The following SAXO1 variants were observed in gnomAD, a reference collection of about 807,000 sequenced individuals.
The protein encoded by SAXO1 is 4930500O09Rik.
In SAXO1, 21 loss-of-function variants were observed where a neutral mutation model predicts 17.5. The observed-to-expected ratio is 1.20, with a 90% confidence interval of 0.85 to 1.72. The LOEUF (loss-of-function observed/expected upper bound fraction) is 1.72, where lower values mean the gene tolerates loss of function less well. SAXO1 is among the 40% of genes most tolerant of loss of function. The probability of loss-of-function intolerance (pLI) is 0.00; values close to 1 mark genes in which losing one functional copy is unlikely to be tolerated. For synonymous variants in SAXO1, 274 were observed against 216.5 expected (o/e 1.27, Z -2.33); for missense variants, 843 against 596.0 (o/e 1.41, Z -4.32).
At chr9:19,048,582 T>C (rs1475162407) in intron 1 of SAXO1, among the ~76,000 whole-genome samples, 1 of 152,138 alleles carries the variant, frequency 6.6e-6, no homozygotes, top group African/African-American at 2.4e-5. Flanking sequence ...AAGAGCAGAA[T>C]CATATTATGC....
intron 1 of SAXO1, among the ~76,000 whole-genome samples, chr9:18,979,069 T>C (rs1297515803): frequency 2.0e-5 from 3 of 152,184 alleles, no homozygotes; most frequent in East Asian, 3.8e-4. Flanking sequence ...TTAGATTATA[T>C]ATGTTGAATC....
intron 1 of SAXO1, among the ~76,000 whole-genome samples, chr9:19,006,428 T>A (rs552479460): frequency 6.0e-4 from 91 of 152,286 alleles, no homozygotes; most frequent in African/African-American, 2.1e-3. Context: ...CAACAGATTA[T>A]TCGGTCTTAA....
Position 18,928,269 on chromosome 9 carries a change from T to A in SAXO1, c.1208A>T (p.Glu403Val). The A allele has an allele frequency of 2.5e-6, 4 of 1,613,088 alleles. No individual in the cohort carries two copies. The highest frequency in any genetic ancestry group is 3.4e-6 in the Non-Finnish European group (4 of 1,179,228). ...GCTGATGGTGTAGGTGGTCTGGCTTTCCACAGGGACATTTCCTCGAGGGCC... is the reference window on the plus strand; with the variant it reads ...GCTGATGGTGTAGGTGGTCTGGCTTACCACAGGGACATTTCCTCGAGGGCC... ...WSGPRGNVPV[E>V]SQTTYTISFT... Residue 403 changes from glutamate (E) to valine (V), a missense_variant, in exon 4 of 4, where the codon GAA (glutamate) becomes GTA (valine). By Grantham distance (121) the Glu-to-Val change is moderately radical. Coordinates refer to ENST00000380534, the MANE Select transcript of SAXO1 (RefSeq NM_153707.4).
intron 1 of SAXO1, among the ~76,000 whole-genome samples, chr9:19,030,971 A>G (rs1370801157): frequency 6.6e-6 from 1 of 152,262 alleles, no homozygotes; most frequent in Non-Finnish European, 1.5e-5. Context: ...GAGAAAATAC[A>G]GGATGAGGAG....
At chr9:18,988,113 A>C (rs1833668537) in intron 1 of SAXO1, among the ~76,000 whole-genome samples, 1 of 152,196 alleles carries the variant, frequency 6.6e-6, no homozygotes, top group African/African-American at 2.4e-5. Flanking sequence ...AGGCCCTTAC[A>C]GCTTATTTGA....
chr9:18,941,559 G>A, intron 3 of SAXO1, 78 bp downstream of exon 3: 1 of 1,526,862 alleles, frequency 6.5e-7, no homozygotes, highest in Non-Finnish European at 9.0e-7. Flanking sequence ...AACTGAGTAT[G>A]CACATAAAAC....
intron 2 of SAXO1, among the ~76,000 whole-genome samples, chr9:18,946,647 GAA>G (rs142626246): frequency 1.4e-5 from 2 of 145,536 alleles, no homozygotes; most frequent in African/African-American, 5.0e-5. Flanking sequence ...GCTCAAAAAA[GAA>G]AAAAAAAAGA....
chr9:19,024,703 C>A (rs1415944881), intron 1 of SAXO1, among the ~76,000 whole-genome samples: 2 of 152,132 alleles, frequency 1.3e-5, no homozygotes, highest in Non-Finnish European at 2.9e-5. Flanking sequence ...CCCCGGCTAC[C>A]CCATCCCAAA....
chr9:18,948,807 G>A (rs1473783351), intron 2 of SAXO1, among the ~76,000 whole-genome samples: 1 of 152,152 alleles, frequency 6.6e-6, no homozygotes, highest in Non-Finnish European at 1.5e-5. Context: ...TTCAGGATAG[G>A]AAATATATCA....
chr9:19,019,721 C>A (rs948625795), intron 1 of SAXO1, among the ~76,000 whole-genome samples: 1 of 152,102 alleles, frequency 6.6e-6, no homozygotes, highest in Non-Finnish European at 1.5e-5. Context: ...CAGTGAGACA[C>A]TGTCTCAAAA....
chr9:19,042,129 A>G (rs1836093384), intron 1 of SAXO1, among the ~76,000 whole-genome samples: 1 of 152,226 alleles, frequency 6.6e-6, no homozygotes, highest in African/African-American at 2.4e-5. Flanking sequence ...TTAATGGGCA[A>G]AAGATCTGAA....
intron 1 of SAXO1, among the ~76,000 whole-genome samples, chr9:18,999,100 T>C (rs2077200669): frequency 6.6e-6 from 1 of 152,138 alleles, no homozygotes; most frequent in Non-Finnish European, 1.5e-5. Context: ...AATTCACACA[T>C]AACAATATGA....
chr9:18,947,077 A>G (rs1469964207), intron 2 of SAXO1, among the ~76,000 whole-genome samples: 1 of 152,224 alleles, frequency 6.6e-6, no homozygotes, highest in Non-Finnish European at 1.5e-5. Context: ...AGTATAGACA[A>G]TTCAAAGGCT....
intron 1 of SAXO1, among the ~76,000 whole-genome samples, chr9:18,976,834 A>G (rs928672468): frequency 7.2e-5 from 11 of 152,254 alleles, no homozygotes; most frequent in Admixed American, 1.3e-4. Context: ...TAGTGCATAC[A>G]TGCACACGTG....
rs756546837 is a variant in SAXO1 at position 18,941,491 on chromosome 9, A to C, written c.421+146T>G. 3.7e-6 allele frequency: 3 copies of C among 812,942 alleles called. No homozygotes were observed. In the African/African-American group the frequency reaches 5.2e-5, roughly 14 times the overall value. 50.4% of individuals were successfully genotyped at this position (812,942 alleles called of 1,614,324 possible). A position where few individuals can be genotyped will look rare whatever the true frequency, so the allele number is the denominator to read the frequency against. ...ACTCTTCTTAGCTCTCCAGCTATAC[A>C]AAAACAGGCTGCTGGCCAGATCTGG... is the stretch of plus-strand genomic sequence containing the variant. On this transcript the variant is annotated intron_variant, in intron 3 of 3. Transcript: ENST00000380534.
chr9:19,038,713 A>G (rs1257427652), intron 1 of SAXO1, among the ~76,000 whole-genome samples: 2 of 151,968 alleles, frequency 1.3e-5, no homozygotes, highest in African/African-American at 4.8e-5. Context: ...ATATGTAACT[A>G]ACCTGCACAT....
chr9:19,010,966 A>G (rs921634258), intron 1 of SAXO1, among the ~76,000 whole-genome samples: 1 of 152,176 alleles, frequency 6.6e-6, no homozygotes, highest in African/African-American at 2.4e-5. Flanking sequence ...CATTTTACAC[A>G]TCAGGGAACT....
chr9:18,945,874 T>G (rs1831770389), intron 2 of SAXO1, among the ~76,000 whole-genome samples: 1 of 152,178 alleles, frequency 6.6e-6, no homozygotes, highest in Admixed American at 6.5e-5. Context: ...AATTTTCCAT[T>G]AACTATTTAA....
At chr9:18,986,951 A>C (rs1427020114) in intron 1 of SAXO1, among the ~76,000 whole-genome samples, 1 of 152,226 alleles carries the variant, frequency 6.6e-6, no homozygotes, top group Admixed American at 6.5e-5. Flanking sequence ...TTGCATAAAG[A>C]CTTCATGTGG....
Sources: allele counts gnomAD v4.1 joint callset (sites outside exome capture counted in the v4.1 genomes callset), GRCh38; gene constraint gnomAD v4.1.1; transcripts MANE v1.5; gene names NCBI Gene and HGNC (gene_info 2026-07-23, HGNC 2026-07-21).